Variants in LRP1B observed in about 807,000 individuals in gnomAD.
LRP1B encodes low-density lipoprotein receptor-related protein 1B.
In LRP1B, 217 loss-of-function variants were observed where a neutral mutation model predicts 556.6. The ratio of observed to expected loss-of-function variants is 0.39; its 90% CI spans 0.35 to 0.44. The LOEUF (loss-of-function observed/expected upper bound fraction) is 0.44, where lower values mean the gene tolerates loss of function less well. Among genes scored for constraint, LRP1B ranks in the 20% least tolerant of loss-of-function variants. The pLI is 1.00. For missense variants in LRP1B, 5,053 were observed against 5,620.8 expected (o/e 0.90, Z 3.23); for synonymous variants, 2,047 against 1,865.8 (o/e 1.10, Z -2.50).
intron 1 of LRP1B, among the ~76,000 whole-genome samples, chr2:142,038,971 C>T (rs571085759): frequency 6.6e-6 from 1 of 151,608 alleles, no homozygotes; most frequent in South Asian, 2.1e-4. Context: ...TTTCCTTGAG[C>T]TCATGTTCTT....
At chr2:140,291,882 C>T (rs1683403977) in intron 84 of LRP1B, among the ~76,000 whole-genome samples, 1 of 152,104 alleles carries the variant, frequency 6.6e-6, no homozygotes, top group African/African-American at 2.4e-5. Flanking sequence ...GAGGAATCAC[C>T]ACACTGTCTT....
chr2:140,539,470 T>C (rs549973265), intron 45 of LRP1B, among the ~76,000 whole-genome samples: 1 of 152,206 alleles, frequency 6.6e-6, no homozygotes, highest in East Asian at 1.9e-4. Context: ...GTGAATACAA[T>C]TGTGCTTGTT....
chr2:142,049,095 AAGAACTCC>A (rs1704356090), intron 1 of LRP1B, among the ~76,000 whole-genome samples: 1 of 152,056 alleles, frequency 6.6e-6, no homozygotes, highest in Non-Finnish European at 1.5e-5. Context: ...TACTATATTC[AAGAACTCC>A]AGAAAGAAAG....
At chr2:142,116,557 A>C (rs1350287724) in intron 1 of LRP1B, among the ~76,000 whole-genome samples, 4 of 152,116 alleles carry the variant, frequency 2.6e-5, no homozygotes, top group Admixed American at 1.3e-4. Flanking sequence ...AGTGGAAAAA[A>C]CTGGTAAAAT....
At chr2:141,603,450 A>G (rs1308338308) in intron 2 of LRP1B, among the ~76,000 whole-genome samples, 4 of 152,138 alleles carry the variant, frequency 2.6e-5, no homozygotes, top group Admixed American at 2.0e-4. Flanking sequence ...GGGGCAGTTC[A>G]TATTTCCATA....
At chr2:141,419,218 G>A (rs55684854) in intron 3 of LRP1B, among the ~76,000 whole-genome samples, 9,908 of 127,148 alleles carry the variant, frequency 0.078, 1,085 homozygotes, top group African/African-American at 0.26. Flanking sequence ...AGGATTTTTG[G>A]ATCTTATTTA....
chr2:141,106,490 A>T (rs1360726217), intron 7 of LRP1B, among the ~76,000 whole-genome samples: 1 of 152,178 alleles, frequency 6.6e-6, no homozygotes, highest in East Asian at 1.9e-4. Context: ...GTGACCATCA[A>T]GCAGGCCATC....
chr2:140,294,317 T>C lies in LRP1B; in HGVS notation c.12967+3491A>G, dbSNP rs139931130. 2.6e-3 allele frequency among the ~76,000 whole-genome samples: 394 copies of C among 151,480 alleles called. 3 individuals carry two copies. Among genetic ancestry groups the C allele is most frequent in the African/African-American group, 9.2e-3 (375 of 40,778 alleles). Reference sequence around the variant, plus strand: ...AATGTAATTTTACATTTAAAGTAAATTGATCTTAAATTGATCTTTTGTTAA... The same window carrying C: ...AATGTAATTTTACATTTAAAGTAAACTGATCTTAAATTGATCTTTTGTTAA... On this transcript the variant is annotated intron_variant, in intron 84 of 90. Transcript: ENST00000389484.
At chr2:140,962,020 C>T (rs985185366) in intron 18 of LRP1B, among the ~76,000 whole-genome samples, 1 of 152,206 alleles carries the variant, frequency 6.6e-6, no homozygotes, top group South Asian at 2.1e-4. Flanking sequence ...TTGTTGTAAG[C>T]ACCTATGTAT....
intron 59 of LRP1B, among the ~76,000 whole-genome samples, chr2:140,480,419 C>T (rs1688182706): frequency 6.6e-6 from 1 of 152,032 alleles, no homozygotes; most frequent in African/African-American, 2.4e-5. Context: ...ATTTCAAATT[C>T]AAAACATGAC....
At chr2:140,858,122 G>A (rs1335132044) in intron 27 of LRP1B, among the ~76,000 whole-genome samples, 1 of 152,062 alleles carries the variant, frequency 6.6e-6, no homozygotes, top group Non-Finnish European at 1.5e-5. Context: ...AGTACTGTTG[G>A]CATCTTAGTG....
rs190449582 is a variant in LRP1B at position 141,447,589 on chromosome 2, G to C, written c.343+32807C>G. 3.3e-5 allele frequency among the ~76,000 whole-genome samples: 5 copies of C among 152,238 alleles called. No homozygotes were observed. In the East Asian group the frequency reaches 9.7e-4, roughly 30 times the overall value. ...TTTGATGTTGGTGACCTTCGAATGG[G>C]TTTTTTGAGTGGATGTCCTTTTTGT... On this transcript the variant is annotated intron_variant, in intron 3 of 90. Transcript: ENST00000389484.
At chr2:140,660,871 G>GTTTT (rs11303525) in intron 41 of LRP1B, among the ~76,000 whole-genome samples, 2 of 142,874 alleles carry the variant, frequency 1.4e-5, no homozygotes, top group Non-Finnish European at 1.5e-5. Flanking sequence ...GTCTTTTTGT[G>GTTTT]TTTTTTTTTT....
chr2:141,772,493 A>G (rs1010423009), intron 2 of LRP1B, among the ~76,000 whole-genome samples: 1 of 152,162 alleles, frequency 6.6e-6, no homozygotes, highest in African/African-American at 2.4e-5. Flanking sequence ...TTAAAAATGC[A>G]AATTCCCAGG....
At position 141,061,080 on chromosome 2, in the gene LRP1B, T is replaced by C. The variant is rs186280745; in HGVS notation, c.1236+971A>G. On this transcript the variant is annotated intron_variant, in intron 8 of 90. Coordinates refer to ENST00000389484, the MANE Select transcript of LRP1B (RefSeq NM_018557.3). Reference sequence around the variant, plus strand: ...TAATCATCTCAGAGATCAGGTCCTCTAAGGTTGTAACTAAGAGCTTTGAAA... The same window carrying C: ...TAATCATCTCAGAGATCAGGTCCTCCAAGGTTGTAACTAAGAGCTTTGAAA... Among the ~76,000 whole-genome samples the C allele has an allele frequency of 4.4e-4, 67 of 151,824 alleles. 1 individual carries two copies. The highest frequency in any genetic ancestry group is 4.4e-3 in the Admixed American group (67 of 15,196).
At chr2:140,566,133 C>T (rs947718575) in intron 43 of LRP1B, among the ~76,000 whole-genome samples, 4 of 152,132 alleles carry the variant, frequency 2.6e-5, no homozygotes, top group Admixed American at 2.0e-4. Context: ...ATCACTGAGA[C>T]TAAGCTGCTG....
chr2:141,941,825 A>G (rs571655545), intron 1 of LRP1B, among the ~76,000 whole-genome samples: 2 of 152,216 alleles, frequency 1.3e-5, no homozygotes, highest in Admixed American at 6.5e-5. Flanking sequence ...ATCACTCACA[A>G]TCACTGTGAA....
At chr2:141,760,071 C>G (rs1268353171) in intron 2 of LRP1B, among the ~76,000 whole-genome samples, 2 of 152,114 alleles carry the variant, frequency 1.3e-5, no homozygotes, top group Non-Finnish European at 1.5e-5. Context: ...TTGGCAACAT[C>G]TATCACTACT....
chr2:141,166,725 A>G (rs1193140250), intron 7 of LRP1B, among the ~76,000 whole-genome samples: 1 of 151,894 alleles, frequency 6.6e-6, no homozygotes, highest in Non-Finnish European at 1.5e-5. Flanking sequence ...ATATTCACAG[A>G]GCATTGTCAT....
Sources: allele counts gnomAD v4.1 joint callset (sites outside exome capture counted in the v4.1 genomes callset), GRCh38; gene constraint gnomAD v4.1.1; transcripts MANE v1.5; gene names NCBI Gene and HGNC (gene_info 2026-07-23, HGNC 2026-07-21).